The following GRIN2A variants were observed in gnomAD, a reference collection of about 807,000 sequenced individuals.
GRIN2A encodes glutamate ionotropic receptor NMDA type subunit 2A, also known as glutamate receptor ionotropic, NMDA 2A.
A neutral mutation model predicts 113.4 loss-of-function variants in GRIN2A; 22 were observed. The observed-to-expected ratio is 0.19, with a 90% CI of 0.14 to 0.28. The LOEUF (loss-of-function observed/expected upper bound fraction) is 0.28, where lower values mean the gene tolerates loss of function less well. Ranked by LOEUF, GRIN2A falls within the 10% of genes least tolerant of loss-of-function variation. The pLI is 1.00. For synonymous variants in GRIN2A, 827 were observed against 738.4 expected (o/e 1.12, Z -1.94); for missense variants, 1,502 against 1,887.0 (o/e 0.80, Z 3.78).
chr16:10,147,455 C>CAAAAA (rs367830700), intron 2 of GRIN2A, among the ~76,000 whole-genome samples: 9 of 72,940 alleles, frequency 1.2e-4, no homozygotes, highest in East Asian at 4.4e-4. Flanking sequence ...ACTAAAAATA[C>CAAAAA]AAAAAAAAAA....
chr16:10,036,444 TTTTTC>T (rs1302715378), intron 2 of GRIN2A, among the ~76,000 whole-genome samples: 6 of 67,236 alleles, frequency 8.9e-5, no homozygotes, highest in Non-Finnish European at 1.4e-4. Context: ...TTACTTTTTT[TTTTTC>T]TTTTTTTTTT....
rs572355273 is a variant in GRIN2A, at chr16:10,086,902, GC to G, written c.414+93095del. ...TACCTAGCTGGATGATCCAGAATGAGCCCAGAGGCTGGGGACTATGCAAACA... is the reference window on the plus strand; with the variant it reads ...TACCTAGCTGGATGATCCAGAATGAGCCAGAGGCTGGGGACTATGCAAACA... On this transcript the variant is annotated intron_variant, in intron 2 of 12. Transcript: ENST00000330684. 8.9e-3 allele frequency among the ~76,000 whole-genome samples: 1,351 copies of G among 152,358 alleles called. 9 individuals carry two copies. Among genetic ancestry groups the G allele is most frequent in the Non-Finnish European group, 0.014 (966 of 68,040 alleles).
At chr16:9,899,017 G>A (rs184220684) in intron 3 of GRIN2A, among the ~76,000 whole-genome samples, 260 of 151,832 alleles carry the variant, frequency 1.7e-3, no homozygotes, top group African/African-American at 6.0e-3. Context: ...ATATCCTTGC[G>A]CTGTCTTTTG....
intron 2 of GRIN2A, among the ~76,000 whole-genome samples, chr16:10,125,625 T>C (rs1596532058): frequency 8.3e-6 from 1 of 119,884 alleles, no homozygotes; most frequent in East Asian, 2.3e-4. Flanking sequence ...CTGCTCATGG[T>C]GGGAGGAAAA....
intron 2 of GRIN2A, among the ~76,000 whole-genome samples, chr16:9,983,990 A>T (rs1046279617): frequency 6.6e-6 from 1 of 152,248 alleles, no homozygotes; most frequent in South Asian, 2.1e-4. Flanking sequence ...ACCGTTTTTC[A>T]TAATGGCTGT....
At chr16:9,941,423 T>C (rs1048293761) in intron 2 of GRIN2A, among the ~76,000 whole-genome samples, 5 of 152,214 alleles carry the variant, frequency 3.3e-5, no homozygotes, top group Admixed American at 6.5e-5. Context: ...AGAAAGATAA[T>C]TGGAGGGACA....
At chr16:10,015,763 C>A (rs181920498) in intron 2 of GRIN2A, among the ~76,000 whole-genome samples, 29 of 152,272 alleles carry the variant, frequency 1.9e-4, no homozygotes, top group South Asian at 1.9e-3. Flanking sequence ...GGAGGTGCAA[C>A]AACTCAGCCC....
intron 2 of GRIN2A, among the ~76,000 whole-genome samples, chr16:10,064,080 C>T (rs1225795320): frequency 6.6e-6 from 1 of 152,198 alleles, no homozygotes; most frequent in Non-Finnish European, 1.5e-5. Context: ...CCTTAAGTTA[C>T]TCTCAAACAG....
intron 2 of GRIN2A, among the ~76,000 whole-genome samples, chr16:9,988,107 A>AGGTT (rs1205597286): frequency 6.6e-6 from 1 of 152,054 alleles, no homozygotes; most frequent in African/African-American, 2.4e-5. Flanking sequence ...ACACCAACCT[A>AGGTT]CCACTTAGAC....
rs768940963 is a variant in GRIN2A at position 9,763,863 on chromosome 16, G to A, written c.3681C>T (p.His1227=). 13 of 1,614,046 alleles carry A rather than the reference G, an allele frequency of 8.1e-6. No homozygotes were observed. The South Asian group carries it at 9.9e-5, about 12-fold the overall frequency. The change falls in exon 13 of 13, where the codon CAC becomes CAT. Residue 1227 remains histidine (H), a synonymous_variant. Transcript: ENST00000330684. ...ACTTGAAGGGGGACCTCATGGTGAA[G>A]TGGCCTGAATAGGTGGGCATGTTGG... ...CLSNMPTYSG[H]FTMRSPFKCD... is the part of the protein sequence containing the mutation.
At chr16:9,916,784 A>G (rs2044261003) in intron 3 of GRIN2A, among the ~76,000 whole-genome samples, 1 of 152,186 alleles carries the variant, frequency 6.6e-6, no homozygotes, top group African/African-American at 2.4e-5. Context: ...TATCTCCTCC[A>G]GCTTTTACAA....
At chr16:9,883,284 G>A (rs148981831) in intron 4 of GRIN2A, among the ~76,000 whole-genome samples, 101 of 152,320 alleles carry the variant, frequency 6.6e-4, no homozygotes, top group Admixed American at 2.0e-3. Context: ...AGATCATAGA[G>A]GGGTCCATTT....
chr16:9,778,759 C>T (rs1901761381), intron 11 of GRIN2A, among the ~76,000 whole-genome samples: 1 of 152,176 alleles, frequency 6.6e-6, no homozygotes, highest in Non-Finnish European at 1.5e-5. Flanking sequence ...CCAGGAGGAA[C>T]TTATTTATAA....
intron 2 of GRIN2A, among the ~76,000 whole-genome samples, chr16:10,109,642 A>C (rs1013664191): frequency 3.3e-5 from 5 of 152,088 alleles, no homozygotes; most frequent in African/African-American, 1.2e-4. Context: ...CAAAAAAAAA[A>C]AAAATAGGAA....
chr16:10,137,864 T>C (rs1370243061), intron 2 of GRIN2A, among the ~76,000 whole-genome samples: 1 of 152,218 alleles, frequency 6.6e-6, no homozygotes, highest in Admixed American at 6.5e-5. Context: ...GAGCCTGGGA[T>C]GCACCACATA....
chr16:10,122,546 G>T (rs4780818), intron 2 of GRIN2A, among the ~76,000 whole-genome samples: 1 of 151,884 alleles, frequency 6.6e-6, no homozygotes, highest in Non-Finnish European at 1.5e-5. Flanking sequence ...AGAAAGTTTC[G>T]CTTTGATTAG....
Position 9,762,493 on chromosome 16 carries a change from G to A in GRIN2A, c.*656C>T, listed in dbSNP as rs961349678. ...GGGCCTTTGGCTCCAGATGTGTCTT[G>A]GAAATGAACTATAATGAAGGTAGCA... On this transcript the variant is annotated 3_prime_UTR_variant, in exon 13 of 13. Coordinates refer to ENST00000330684, the MANE Select transcript of GRIN2A (RefSeq NM_001134407.3). The A allele has an allele frequency of 4.5e-6, 1 of 222,644 alleles. No individual in the cohort carries two copies. The allele number at this position is 222,644 out of a possible 1,614,324, so 13.8% of individuals were successfully genotyped here.
intron 2 of GRIN2A, among the ~76,000 whole-genome samples, chr16:9,996,783 A>G (rs1294032711): frequency 6.6e-6 from 1 of 152,162 alleles, no homozygotes; most frequent in Non-Finnish European, 1.5e-5. Context: ...AAAATTCTCA[A>G]TGATGGAGAG....
intron 3 of GRIN2A, among the ~76,000 whole-genome samples, chr16:9,907,173 G>A (rs2044043758): frequency 1.3e-5 from 2 of 152,264 alleles, no homozygotes; most frequent in South Asian, 4.1e-4. Flanking sequence ...ACAGTTTGGG[G>A]CAATTATGAA....
Sources: gnomAD v4.1 joint callset for allele counts (sites outside exome capture counted in the v4.1 genomes callset) on GRCh38, gnomAD v4.1.1 for gene constraint, MANE v1.5 for transcripts, NCBI Gene and HGNC (gene_info 2026-07-23, HGNC 2026-07-21) for gene names.